Variants in SLC39A10 observed in about 807,000 individuals in gnomAD.
The protein encoded by SLC39A10 is zinc transporter ZIP10.
A neutral mutation model predicts 65.1 loss-of-function variants in SLC39A10; 13 were observed. The observed-to-expected ratio is 0.20, with a 90% CI of 0.13 to 0.32. The LOEUF is 0.32. Among genes scored for constraint, SLC39A10 ranks in the 10% least tolerant of loss-of-function variants. SLC39A10 has a pLI of 1.00. For missense variants in SLC39A10, 831 were observed against 1,018.4 expected (o/e 0.82, Z 2.50); for synonymous variants, 321 against 342.2 (o/e 0.94, Z 0.68).
At chr2:195,646,957 C>G (rs1277092739) in intron 2 of SLC39A10, among the ~76,000 whole-genome samples, 1 of 152,180 alleles carries the variant, frequency 6.6e-6, no homozygotes, top group African/African-American at 2.4e-5. Context: ...TGGGGGACTG[C>G]TGCCTTAGCT....
intron 2 of SLC39A10, among the ~76,000 whole-genome samples, chr2:195,633,223 A>G (rs1232420871): frequency 6.6e-6 from 1 of 152,244 alleles, no homozygotes; most frequent in Non-Finnish European, 1.5e-5. Flanking sequence ...AGAACTAGTC[A>G]GCCATTTCAG....
chr2:195,711,220 G>A (rs1011278383), intron 5 of SLC39A10, among the ~76,000 whole-genome samples: 1 of 152,108 alleles, frequency 6.6e-6, no homozygotes, highest in Non-Finnish European at 1.5e-5. Flanking sequence ...TAACCATCAC[G>A]TCAGTACTCA....
chr2:195,631,457 T>A (rs914235740), intron 2 of SLC39A10, among the ~76,000 whole-genome samples: 1 of 152,300 alleles, frequency 6.6e-6, no homozygotes, highest in Non-Finnish European at 1.5e-5. Context: ...TTAAAAATAC[T>A]TAAACATGCT....
chr2:195,720,512 C>T (rs1163663496), intron 8 of SLC39A10, among the ~76,000 whole-genome samples: 2 of 152,174 alleles, frequency 1.3e-5, no homozygotes, highest in Non-Finnish European at 2.9e-5. Flanking sequence ...TTTCTGAAAA[C>T]TCACCTGGCT....
chr2:195,716,751 T>C lies in SLC39A10; in HGVS notation c.1811T>C (p.Ile604Thr). 6.2e-7 allele frequency: 1 copy of C among 1,613,980 alleles called. No homozygotes were observed. The highest frequency in any genetic ancestry group is 8.5e-7 in the Non-Finnish European group (1 of 1,179,976). Residue 604 changes from isoleucine to threonine, a missense_variant, in exon 7 of 10, where the codon ATC becomes ACC. Around this residue, in one of 4 missense-constraint regions of SLC39A10, gnomAD observed 230 missense variants for 242.9 expected, o/e 0.95. Coordinates refer to ENST00000359634, the MANE Select transcript of SLC39A10 (RefSeq NM_020342.3). ...KNYLCIEEEK[I>T]IDHSHSDGLH... The stretch of plus-strand genomic sequence containing the variant: ...TACCTTTGTATAGAAGAGGAGAAAA[T>C]CATAGACCATTCTCACAGTGATGGA...
At chr2:195,727,763 C>CAG (rs1574320774) in intron 8 of SLC39A10, among the ~76,000 whole-genome samples, 1 of 152,010 alleles carries the variant, frequency 6.6e-6, no homozygotes, top group African/African-American at 2.4e-5. Context: ...TGAATTTTAA[C>CAG]ATATATATAG....
At chr2:195,646,376 TCA>T (rs1273251334) in intron 2 of SLC39A10, among the ~76,000 whole-genome samples, 4 of 152,252 alleles carry the variant, frequency 2.6e-5, no homozygotes, top group African/African-American at 7.2e-5. Flanking sequence ...GTTGTCCCTA[TCA>T]CAGTTTCCTA....
intron 8 of SLC39A10, among the ~76,000 whole-genome samples, chr2:195,725,441 T>C (rs920280315): frequency 6.6e-6 from 1 of 152,110 alleles, no homozygotes; most frequent in Non-Finnish European, 1.5e-5. Flanking sequence ...TGAACAAATG[T>C]TTCACTGAAG....
intron 8 of SLC39A10, among the ~76,000 whole-genome samples, chr2:195,726,976 C>A (rs1253063334): frequency 6.6e-6 from 1 of 151,872 alleles, no homozygotes; most frequent in African/African-American, 2.4e-5. Flanking sequence ...TCTTTCATAC[C>A]TCTTCAAGGT....
At chr2:195,662,352 CT>C (rs1689441875) in intron 1 of SLC39A10, among the ~76,000 whole-genome samples, 1 of 151,684 alleles carries the variant, frequency 6.6e-6, no homozygotes, top group Non-Finnish European at 1.5e-5. Flanking sequence ...CACTGCAGCC[CT>C]GACCTCCTGG....
chr2:195,729,961 ATTTTTTTTTTTT>A lies in SLC39A10; in HGVS notation c.2337+1625_2337+1636del, dbSNP rs58936616. 0.03 allele frequency among the ~76,000 whole-genome samples: 2,721 copies of A among 92,202 alleles called. 245 individuals are homozygous for A. In the East Asian group the frequency reaches 0.33, roughly 11 times the overall value. 60.5% of individuals were successfully genotyped at this position (92,202 alleles called of 152,430 possible). ...CCATGGGTGCACACCACCATGCCTA[ATTTTTTTTTTTT>A]TTTTTTTTTTTTGTAGACACGGAGT... On this transcript the variant is annotated intron_variant, in intron 9 of 9. Coordinates refer to ENST00000359634, the MANE Select transcript of SLC39A10 (RefSeq NM_020342.3).
intron 3 of SLC39A10, among the ~76,000 whole-genome samples, chr2:195,684,941 T>A (rs368577194): frequency 6.6e-6 from 1 of 152,186 alleles, no homozygotes; most frequent in African/African-American, 2.4e-5. Context: ...CAGACACTGT[T>A]CTAAGCTGAA....
At chr2:195,651,079 T>A (rs1298803735) in intron 2 of SLC39A10, among the ~76,000 whole-genome samples, 3 of 148,684 alleles carry the variant, frequency 2.0e-5, no homozygotes, top group Admixed American at 6.7e-5. Flanking sequence ...TCAAAAAAAA[T>A]GTTTTTTTTT....
At chr2:195,633,094 A>C (rs1366114562) in intron 2 of SLC39A10, among the ~76,000 whole-genome samples, 2 of 152,242 alleles carry the variant, frequency 1.3e-5, no homozygotes, top group Admixed American at 1.3e-4. Context: ...TTTTCTATCA[A>C]CAAGACCAGT....
chr2:195,636,568 G>A (rs1688699828), intron 2 of SLC39A10, among the ~76,000 whole-genome samples: 2 of 151,734 alleles, frequency 1.3e-5, no homozygotes, highest in Non-Finnish European at 2.9e-5. Flanking sequence ...TGGCTAACAC[G>A]GTGAAACCCA....
chr2:195,639,765 C>T (rs1185631034), intron 2 of SLC39A10, among the ~76,000 whole-genome samples: 2 of 151,986 alleles, frequency 1.3e-5, no homozygotes, highest in African/African-American at 4.8e-5. Flanking sequence ...TTAATACAGA[C>T]GGGTTTCGCC....
chr2:195,725,745 A>G (rs575449204), intron 8 of SLC39A10, among the ~76,000 whole-genome samples: 4 of 152,228 alleles, frequency 2.6e-5, no homozygotes, highest in Admixed American at 6.5e-5. Flanking sequence ...TAAATAAACT[A>G]TGGTTCATCT....
chr2:195,719,925 C>T (rs778163221), intron 8 of SLC39A10, among the ~76,000 whole-genome samples: 2 of 151,538 alleles, frequency 1.3e-5, no homozygotes, highest in South Asian at 2.1e-4. Flanking sequence ...TGAGTAGCTG[C>T]GATTACAGGC....
chr2:195,630,144 G>A (rs77302968), intron 2 of SLC39A10, among the ~76,000 whole-genome samples: 1 of 123,038 alleles, frequency 8.1e-6, no homozygotes, highest in East Asian at 2.3e-4. Context: ...TATGGTTTGG[G>A]TTTTTTTTTT....
Sources: allele counts gnomAD v4.1 joint callset (sites outside exome capture counted in the v4.1 genomes callset), GRCh38; gene constraint gnomAD v4.1.1; regional missense constraint gnomAD v4.1.1; transcripts MANE v1.5; gene names NCBI Gene and HGNC (gene_info 2026-07-23, HGNC 2026-07-21).